The following ROBO1 variants were observed in gnomAD, a reference collection of about 807,000 sequenced individuals.
ROBO1 encodes the protein roundabout homolog 1.
Under a neutral mutation model 195.9 loss-of-function variants are expected in ROBO1, and 149 were observed. The observed-to-expected ratio is 0.76, with a 90% CI of 0.67 to 0.87. The LOEUF is 0.87. Ranked by LOEUF, ROBO1 falls within the 40% of genes least tolerant of loss-of-function variation. The probability of loss-of-function intolerance (pLI) is 0.00; values close to 1 mark genes in which losing one functional copy is unlikely to be tolerated. For missense variants in ROBO1, 1,933 were observed against 2,068.3 expected (o/e 0.93, Z 1.27); for synonymous variants, 816 against 733.2 (o/e 1.11, Z -1.82).
chr3:78,886,443 AAC>A (rs1379022058), intron 4 of ROBO1, among the ~76,000 whole-genome samples: 5 of 152,184 alleles, frequency 3.3e-5, no homozygotes, highest in Middle Eastern at 3.4e-3. Flanking sequence ...AAAATACAAA[AAC>A]TACCCAGGTG....
chr3:79,219,335 A>G (rs2082100667), intron 2 of ROBO1, among the ~76,000 whole-genome samples: 1 of 152,022 alleles, frequency 6.6e-6, no homozygotes, highest in South Asian at 2.1e-4. Context: ...ATCTAACATA[A>G]TTATGATATA....
intron 3 of ROBO1, among the ~76,000 whole-genome samples, chr3:79,106,137 A>T (rs958094272): frequency 3.3e-5 from 5 of 151,750 alleles, no homozygotes; most frequent in African/African-American, 1.2e-4. Context: ...TTTAACAATG[A>T]TTTCTTTTTA....
intron 1 of ROBO1, among the ~76,000 whole-genome samples, chr3:79,631,729 C>T (rs1945348221): frequency 6.6e-6 from 1 of 151,838 alleles, no homozygotes; most frequent in Admixed American, 6.6e-5. Context: ...TATTTGCAAA[C>T]TATGCATCTG....
At chr3:79,167,952 T>A (rs1576763406) in intron 2 of ROBO1, among the ~76,000 whole-genome samples, 2 of 152,192 alleles carry the variant, frequency 1.3e-5, no homozygotes, top group East Asian at 3.8e-4. Context: ...TTTAGAATGG[T>A]CACTGTCAGA....
At chr3:79,040,435 C>T (rs567085771) in intron 3 of ROBO1, among the ~76,000 whole-genome samples, 1 of 152,194 alleles carries the variant, frequency 6.6e-6, no homozygotes, top group African/African-American at 2.4e-5. Flanking sequence ...AGCTTATAAT[C>T]TTAAAAACTA....
intron 3 of ROBO1, chr3:79,019,568 T>G: frequency 1.0e-6 from 1 of 985,322 alleles, no homozygotes; most frequent in Non-Finnish European, 1.2e-6. Flanking sequence ...TTCACTCTAT[T>G]CTCCAGGCGC....
chr3:79,125,456 C>T lies in ROBO1; in HGVS notation c.172G>A (p.Gly58Ser). 2 of 1,612,976 alleles carry T rather than the reference C, an allele frequency of 1.2e-6. No homozygotes were observed. Among genetic ancestry groups the T allele is most frequent in the Non-Finnish European group, 1.7e-6 (2 of 1,179,378 alleles). Residue 58 changes from glycine to serine, a missense_variant and splice_region_variant, in exon 3 of 31, where the codon GGC becomes AGC. Around this residue, in one of 3 missense-constraint regions of ROBO1, gnomAD observed 185 missense variants for 159.5 expected, o/e 1.16. Transcript: ENST00000464233. ...DNDDNSLGYT[G>S]SRLRQEDFPP... is the part of the protein sequence containing the mutation. Reference sequence around the variant, plus strand: ...AGTATTTGGGAAAGAGACACTCTACCTGTATAGCCCAGCGAATTGTCATCG... The same window carrying T: ...AGTATTTGGGAAAGAGACACTCTACTTGTATAGCCCAGCGAATTGTCATCG...
intron 4 of ROBO1, among the ~76,000 whole-genome samples, chr3:78,773,829 C>CA (rs1267029418): frequency 6.6e-6 from 1 of 152,066 alleles, no homozygotes; most frequent in Non-Finnish European, 1.5e-5. Flanking sequence ...CTTTATTACC[C>CA]ATCATATTAG....
chr3:79,403,706 A>G (rs900461111), intron 2 of ROBO1, among the ~76,000 whole-genome samples: 1 of 152,104 alleles, frequency 6.6e-6, no homozygotes, highest in Non-Finnish European at 1.5e-5. Context: ...AATAAACTAC[A>G]TAGTCAAATT....
chr3:78,817,227 G>GA (rs1042009061), intron 4 of ROBO1, among the ~76,000 whole-genome samples: 5 of 152,058 alleles, frequency 3.3e-5, no homozygotes, highest in African/African-American at 4.8e-5. Flanking sequence ...TCACCACCCT[G>GA]ATCAGTCAGC....
chr3:79,436,765 A>T (rs2038903438), intron 2 of ROBO1, among the ~76,000 whole-genome samples: 2 of 152,054 alleles, frequency 1.3e-5, no homozygotes, highest in Non-Finnish European at 2.9e-5. Context: ...CATTCCAAAA[A>T]CTTCAGGCTG....
At chr3:78,904,007 A>G (rs1009208119) in intron 4 of ROBO1, among the ~76,000 whole-genome samples, 2 of 152,060 alleles carry the variant, frequency 1.3e-5, no homozygotes, top group Non-Finnish European at 2.9e-5. Flanking sequence ...GTAGGAAATA[A>G]CAGAGTGGCT....
At chr3:78,959,865 T>A (rs568392844) in intron 3 of ROBO1, among the ~76,000 whole-genome samples, 1 of 152,318 alleles carries the variant, frequency 6.6e-6, no homozygotes, top group African/African-American at 2.4e-5. Context: ...TATTTTCACC[T>A]GATTCACAAC....
intron 5 of ROBO1, among the ~76,000 whole-genome samples, chr3:78,727,999 A>C (rs539037395): frequency 2.2e-3 from 331 of 152,300 alleles, no homozygotes; most frequent in Non-Finnish European, 3.7e-3. Context: ...ATATCAAAGC[A>C]AATATTTTAT....
chr3:78,770,591 T>C (rs1455210428), intron 4 of ROBO1, among the ~76,000 whole-genome samples: 2 of 152,172 alleles, frequency 1.3e-5, no homozygotes, highest in Admixed American at 6.6e-5. Context: ...GTTTACTGGG[T>C]TGATAGTTTC....
At chr3:79,371,722 CT>C in intron 2 of ROBO1, among the ~76,000 whole-genome samples, 1 of 152,206 alleles carries the variant, frequency 6.6e-6, no homozygotes, top group East Asian at 1.9e-4. Flanking sequence ...TTTGTGTCCC[CT>C]GAATTTGTGC....
chr3:79,632,201 T>C (rs990969861), intron 1 of ROBO1, among the ~76,000 whole-genome samples: 1 of 152,116 alleles, frequency 6.6e-6, no homozygotes, highest in Non-Finnish European at 1.5e-5. Context: ...TGTAGCACTA[T>C]TTACAATAGC....
chr3:79,337,235 A>C (rs1184643975), intron 2 of ROBO1, among the ~76,000 whole-genome samples: 1 of 152,152 alleles, frequency 6.6e-6, no homozygotes, highest in Non-Finnish European at 1.5e-5. Flanking sequence ...AAAGGTGAGG[A>C]CATGAGATTT....
rs2039953090 is a variant in ROBO1, at chr3:78,938,655, C to T, written c.445G>A (p.Ala149Thr). ...RPDEGVYVCV[A>T]RNYLGEAVSH... ...ACAGCCTCTCCAAGGTAATTCCTTG[C>T]TACACAGACATAGACTCCTTCATCA... The change falls in exon 4 of 31, where the codon GCA (alanine) becomes ACA (threonine). Residue 149 changes from alanine (A) to threonine (T), a missense_variant. Physicochemically the swap from Ala to Thr is moderately conservative, Grantham distance 58. Transcript: ENST00000464233. The T allele has an allele frequency of 6.2e-7, 1 of 1,613,850 alleles. No homozygotes were observed. Among genetic ancestry groups the T allele is most frequent in the African/African-American group, 1.3e-5 (1 of 74,922 alleles).
Sources: allele counts gnomAD v4.1 joint callset (sites outside exome capture counted in the v4.1 genomes callset), GRCh38; gene constraint gnomAD v4.1.1; regional missense constraint gnomAD v4.1.1; transcripts MANE v1.5; gene names NCBI Gene and HGNC (gene_info 2026-07-23, HGNC 2026-07-21).